TCF7L1: variants seen among roughly 807,000 people sequenced by gnomAD.
TCF7L1 encodes the protein transcription factor 7 like 1.
In TCF7L1, 18 loss-of-function variants were observed where a neutral mutation model predicts 63.7. The observed-to-expected ratio is 0.28, with a 90% confidence interval of 0.20 to 0.42. The LOEUF (loss-of-function observed/expected upper bound fraction) is 0.42, where lower values mean the gene tolerates loss of function less well. Ranked by LOEUF, TCF7L1 falls within the 10% of genes least tolerant of loss-of-function variation. The pLI is 1.00. For missense variants in TCF7L1, 654 were observed against 779.3 expected (o/e 0.84, Z 1.91); for synonymous variants, 355 against 340.9 (o/e 1.04, Z -0.46).
chr2:85,293,149 A>G lies in TCF7L1; in HGVS notation c.526-9335A>G, dbSNP rs116245357. ...TTCATTTCATGTCCACTAATATTCC[A>G]TTGGTCAGAGCAAGTCATAAGGTGA... On this transcript the variant is annotated intron_variant, in intron 4 of 11. Transcript: ENST00000282111. 3.7e-3 allele frequency among the ~76,000 whole-genome samples: 571 copies of G among 152,276 alleles called. 8 individuals carry two copies. The highest frequency in any genetic ancestry group is 0.013 in the African/African-American group (532 of 41,530).
chr2:85,246,084 G>T (rs1680457652), intron 3 of TCF7L1, among the ~76,000 whole-genome samples: 1 of 152,212 alleles, frequency 6.6e-6, no homozygotes, highest in Non-Finnish European at 1.5e-5. Context: ...TATTGCTTCT[G>T]CTAGTGGTGG....
intron 4 of TCF7L1, among the ~76,000 whole-genome samples, chr2:85,284,587 G>A (rs1249636859): frequency 6.6e-6 from 1 of 152,146 alleles, no homozygotes; most frequent in Non-Finnish European, 1.5e-5. Flanking sequence ...GGGTGCTTGG[G>A]TCAACACTTG....
Position 85,309,474 on chromosome 2 carries a change from C to A in TCF7L1, c.*12C>A, listed in dbSNP as rs1471166886. The A allele has an allele frequency of 6.6e-7, 1 of 1,517,274 alleles. No homozygotes were observed. The allele number at this position is 1,517,274 out of a possible 1,614,324, so 94.0% of individuals were successfully genotyped here. Reference sequence around the variant, plus strand: ...AGTCTGCCCACTAAGCTCCCCCCGACCCCTGCAGGCTGTCACATGACTCAT... The same window carrying A: ...AGTCTGCCCACTAAGCTCCCCCCGAACCCTGCAGGCTGTCACATGACTCAT... On this transcript the variant is annotated 3_prime_UTR_variant, in exon 12 of 12. Coordinates refer to ENST00000282111, the MANE Select transcript of TCF7L1 (RefSeq NM_031283.3).
intron 3 of TCF7L1, among the ~76,000 whole-genome samples, chr2:85,155,815 A>C (rs998710669): frequency 1.3e-5 from 2 of 151,376 alleles, no homozygotes; most frequent in African/African-American, 2.4e-5. Flanking sequence ...TCTGCACCCC[A>C]CTCTAACATT....
intron 3 of TCF7L1, among the ~76,000 whole-genome samples, chr2:85,239,513 G>A (rs1680276813): frequency 6.6e-6 from 1 of 152,182 alleles, no homozygotes; most frequent in African/African-American, 2.4e-5. Context: ...CAAACGCAGT[G>A]GGAGCAGTGG....
chr2:85,277,648 C>T (rs1259501505), intron 3 of TCF7L1, among the ~76,000 whole-genome samples: 2 of 152,164 alleles, frequency 1.3e-5, no homozygotes, highest in African/African-American at 4.8e-5. Context: ...GAGCAAGGGG[C>T]GCTTTCTCTG....
chr2:85,288,304 C>G (rs914800400), intron 4 of TCF7L1, among the ~76,000 whole-genome samples: 1 of 152,020 alleles, frequency 6.6e-6, no homozygotes, highest in East Asian at 1.9e-4. Context: ...TTTAAGCTCC[C>G]CAGGAGATTC....
intron 3 of TCF7L1, among the ~76,000 whole-genome samples, chr2:85,220,654 G>A (rs1415586182): frequency 1.3e-5 from 2 of 152,080 alleles, no homozygotes; most frequent in African/African-American, 4.8e-5. Flanking sequence ...ATGAGCCACT[G>A]CACCCAGCCT....
chr2:85,292,114 G>A lies in TCF7L1; in HGVS notation c.525+8536G>A, dbSNP rs1187560513. ...CGGCTCACTGCAAGCTCCGCCTCCCGGGTTCACGCCATTCTCCCGCCTCAG... is the reference window on the plus strand; with the variant it reads ...CGGCTCACTGCAAGCTCCGCCTCCCAGGTTCACGCCATTCTCCCGCCTCAG... On this transcript the variant is annotated intron_variant, in intron 4 of 11. Coordinates refer to ENST00000282111, the MANE Select transcript of TCF7L1 (RefSeq NM_031283.3). 1.2e-4 allele frequency among the ~76,000 whole-genome samples: 4 copies of A among 33,114 alleles called. 2 individuals carry two copies. Among genetic ancestry groups the A allele is most frequent in the Non-Finnish European group, 1.6e-4 (4 of 24,596 alleles). 21.7% of individuals were successfully genotyped at this position (33,114 alleles called of 152,430 possible). A position where few individuals can be genotyped will look rare whatever the true frequency, so the allele number is the denominator to read the frequency against.
intron 3 of TCF7L1, among the ~76,000 whole-genome samples, chr2:85,150,667 G>C (rs1677989147): frequency 6.8e-6 from 1 of 147,496 alleles, no homozygotes; most frequent in Non-Finnish European, 1.5e-5. Flanking sequence ...TGTTCTTATT[G>C]TATCTCCTCA....
chr2:85,134,027 C>T lies in TCF7L1; in HGVS notation c.261C>T (p.Arg87=), dbSNP rs1340338349. Residue 87 remains arginine (R), a synonymous_variant, in exon 2 of 12, where the codon CGC becomes CGT. Coordinates refer to ENST00000282111, the MANE Select transcript of TCF7L1 (RefSeq NM_031283.3). The surrounding 1 kb of genome is among the most constrained non-coding windows in gnomAD (Gnocchi z 5.0). The part of the protein sequence containing the change: ...SSSSDSEAER[R]PQPVRDTFQK... ...TGTCTCCTCCGCAGGCGGAGAGGCGCCCGCAGCCCGTCCGGGACACTTTCC... is the reference window on the plus strand; with the variant it reads ...TGTCTCCTCCGCAGGCGGAGAGGCGTCCGCAGCCCGTCCGGGACACTTTCC... 3.7e-6 allele frequency: 6 copies of T among 1,609,892 alleles called. No homozygotes were observed. The highest frequency in any genetic ancestry group is 4.5e-5 in the East Asian group (2 of 44,380).
chr2:85,283,616 A>G, intron 4 of TCF7L1, 38 bp downstream of exon 4: 1 of 1,607,118 alleles, frequency 6.2e-7, no homozygotes, highest in Non-Finnish European at 8.5e-7. Flanking sequence ...AAGGGCCACT[A>G]TTAGTGGCCT....
At chr2:85,144,991 G>A (rs371188054) in intron 3 of TCF7L1, among the ~76,000 whole-genome samples, 27 of 151,660 alleles carry the variant, frequency 1.8e-4, no homozygotes, top group African/African-American at 5.1e-4. Flanking sequence ...AGGCTGAGGC[G>A]GGAGAATTGC....
At chr2:85,201,015 A>C (rs1211767312) in intron 3 of TCF7L1, among the ~76,000 whole-genome samples, 2 of 152,190 alleles carry the variant, frequency 1.3e-5, no homozygotes, top group East Asian at 3.8e-4. Context: ...AGCCTGGCCA[A>C]CATGGTGAAA....
At chr2:85,291,741 A>T (rs937587719) in intron 4 of TCF7L1, among the ~76,000 whole-genome samples, 1 of 151,878 alleles carries the variant, frequency 6.6e-6, no homozygotes, top group Admixed American at 6.6e-5. Flanking sequence ...GAGAGACAGG[A>T]TCTCACTCTG....
At chr2:85,252,771 A>G (rs972405978) in intron 3 of TCF7L1, among the ~76,000 whole-genome samples, 2 of 152,084 alleles carry the variant, frequency 1.3e-5, no homozygotes, top group Non-Finnish European at 2.9e-5. Flanking sequence ...CAACCTCAGC[A>G]CCTAGTATCC....
chr2:85,228,846 T>C (rs1432609722), intron 3 of TCF7L1, among the ~76,000 whole-genome samples: 1 of 144,656 alleles, frequency 6.9e-6, no homozygotes, highest in Non-Finnish European at 1.5e-5. Context: ...AAACCCCATC[T>C]CTCCTAAAAA....
At chr2:85,277,296 T>TTTTTCACATTTTTCACATTTTTCACA (rs1681295999) in intron 3 of TCF7L1, among the ~76,000 whole-genome samples, 2 of 152,144 alleles carry the variant, frequency 1.3e-5, no homozygotes, top group African/African-American at 2.4e-5. Context: ...CTTCTTCACA[T>TTTTTCACATTTTTCACATTTTTCACA]TTTTCATTTA....
chr2:85,230,288 G>A (rs898533345), intron 3 of TCF7L1, among the ~76,000 whole-genome samples: 3 of 152,172 alleles, frequency 2.0e-5, no homozygotes, highest in African/African-American at 4.8e-5. Flanking sequence ...TTTAGGATTA[G>A]TACCCTGGAG....
Sources: allele counts gnomAD v4.1 joint callset (sites outside exome capture counted in the v4.1 genomes callset), GRCh38; gene constraint gnomAD v4.1.1; non-coding constraint Gnocchi (gnomAD v3.1); transcripts MANE v1.5; gene names NCBI Gene and HGNC (gene_info 2026-07-23, HGNC 2026-07-21).